PLCB4: variants seen among roughly 807,000 people sequenced by gnomAD.
PLCB4 encodes 1-phosphatidylinositol 4,5-bisphosphate phosphodiesterase beta-4.
PLCB4 carries 77 observed loss-of-function variants against 178.8 expected under a neutral mutation model. The ratio of observed to expected loss-of-function variants is 0.43; its 90% CI spans 0.36 to 0.52. The LOEUF (loss-of-function observed/expected upper bound fraction) is 0.52, where lower values mean the gene tolerates loss of function less well. PLCB4 is among the 20% of genes least tolerant of loss of function. The pLI is 0.00. For missense variants in PLCB4, 1,024 were observed against 1,453.4 expected (o/e 0.70, Z 4.80); for synonymous variants, 496 against 490.8 (o/e 1.01, Z -0.14).
chr20:9,249,444 A>T (rs1296553509), intron 3 of PLCB4, among the ~76,000 whole-genome samples: 2 of 152,152 alleles, frequency 1.3e-5, no homozygotes, highest in African/African-American at 4.8e-5. Flanking sequence ...AGTAGCTGGG[A>T]CATCAGGTGT....
chr20:9,423,398 C>T (rs2148579730), intron 27 of PLCB4, among the ~76,000 whole-genome samples: 1 of 152,268 alleles, frequency 6.6e-6, no homozygotes, highest in South Asian at 2.1e-4. Context: ...TTCCCAGGCC[C>T]CACTCTGTCA....
At chr20:9,226,982 GT>G (rs934870739) in intron 3 of PLCB4, among the ~76,000 whole-genome samples, 1 of 151,324 alleles carries the variant, frequency 6.6e-6, no homozygotes, top group East Asian at 1.9e-4. Context: ...TTTTTTGTTT[GT>G]TTTTTTTAAA....
At chr20:9,171,158 C>T (rs143778231) in intron 2 of PLCB4, among the ~76,000 whole-genome samples, 376 of 152,248 alleles carry the variant, frequency 2.5e-3, no homozygotes, top group Middle Eastern at 6.8e-3. Context: ...GATTTATAAA[C>T]GATGGGTTTA....
chr20:9,109,603 G>A (rs538640878), intron 2 of PLCB4, among the ~76,000 whole-genome samples: 1 of 151,996 alleles, frequency 6.6e-6, no homozygotes, highest in South Asian at 2.1e-4. Flanking sequence ...ATAAAAGCTG[G>A]GCTCATGAAA....
At chr20:9,134,253 T>C (rs2092336940) in intron 2 of PLCB4, among the ~76,000 whole-genome samples, 2 of 152,182 alleles carry the variant, frequency 1.3e-5, no homozygotes, top group African/African-American at 4.8e-5. Flanking sequence ...ACAACTGATA[T>C]AGAAAGTAGA....
chr20:9,178,567 A>G (rs1317062803), intron 2 of PLCB4, among the ~76,000 whole-genome samples: 1 of 151,646 alleles, frequency 6.6e-6, no homozygotes, highest in Non-Finnish European at 1.5e-5. Context: ...TTTTATCAAA[A>G]GATATATTTC....
chr20:9,283,153 C>T (rs1187655098), intron 3 of PLCB4, among the ~76,000 whole-genome samples: 1 of 151,946 alleles, frequency 6.6e-6, no homozygotes, highest in African/African-American at 2.4e-5. Context: ...TATATCCCCC[C>T]AGAAGGGACA....
chr20:9,398,394 T>G (rs573702328), intron 19 of PLCB4, among the ~76,000 whole-genome samples: 1 of 152,258 alleles, frequency 6.6e-6, no homozygotes, highest in Non-Finnish European at 1.5e-5. Context: ...TAAACAAGAT[T>G]TAAGAAAAAT....
intron 4 of PLCB4, among the ~76,000 whole-genome samples, chr20:9,332,850 C>T (rs1045630926): frequency 3.3e-5 from 5 of 152,194 alleles, no homozygotes; most frequent in African/African-American, 1.2e-4. Flanking sequence ...CCAGATTTCT[C>T]ATCCTATTTT....
chr20:9,186,621 G>A (rs1376739566), intron 2 of PLCB4, among the ~76,000 whole-genome samples: 1 of 152,160 alleles, frequency 6.6e-6, no homozygotes, highest in African/African-American at 2.4e-5. Flanking sequence ...TGCCTTCTGG[G>A]TGTGAACAAC....
At chr20:9,406,240 G>A (rs1242332320) in intron 21 of PLCB4, among the ~76,000 whole-genome samples, 10 of 152,168 alleles carry the variant, frequency 6.6e-5, no homozygotes, top group Admixed American at 5.9e-4. Context: ...GAGACTGTGT[G>A]TGCAAGAACT....
chr20:9,078,870 A>C (rs1408119443), intron 1 of PLCB4, among the ~76,000 whole-genome samples: 3 of 152,196 alleles, frequency 2.0e-5, no homozygotes, highest in Admixed American at 6.5e-5. Context: ...TAGATAAATG[A>C]CAGCAAAGTG....
At chr20:9,176,816 A>C (rs768392193) in intron 2 of PLCB4, among the ~76,000 whole-genome samples, 1 of 152,192 alleles carries the variant, frequency 6.6e-6, no homozygotes, top group Non-Finnish European at 1.5e-5. Flanking sequence ...TTTAAGAAAA[A>C]TAATAGAAAC....
chr20:9,188,675 A>T (rs1482555935), intron 2 of PLCB4, among the ~76,000 whole-genome samples: 2 of 142,680 alleles, frequency 1.4e-5, no homozygotes, highest in Admixed American at 1.4e-4. Context: ...ATATAGTGAC[A>T]TTCTGGGTTG....
intron 2 of PLCB4, among the ~76,000 whole-genome samples, chr20:9,183,810 A>G (rs1354009980): frequency 1.3e-5 from 2 of 152,218 alleles, no homozygotes; most frequent in Non-Finnish European, 2.9e-5. Context: ...AGGCTGAACC[A>G]TACGAAATTG....
At chr20:9,380,280 T>C (rs1483747984) in intron 13 of PLCB4, 118 bp downstream of exon 13, 4 of 543,846 alleles carry the variant, frequency 7.4e-6, no homozygotes, top group African/African-American at 5.8e-5. Flanking sequence ...CATGGATTGA[T>C]GACTATTTTT....
At chr20:9,402,380 T>TAGAGTGG (rs1383942089) in intron 20 of PLCB4, among the ~76,000 whole-genome samples, 4 of 152,042 alleles carry the variant, frequency 2.6e-5, no homozygotes, top group Non-Finnish European at 4.4e-5. Context: ...GGGCTGTGAG[T>TAGAGTGG]AGAGTGGCTT....
intron 24 of PLCB4, among the ~76,000 whole-genome samples, chr20:9,410,422 ATTAGG>A (rs2039774996): frequency 6.6e-6 from 1 of 152,222 alleles, no homozygotes; most frequent in South Asian, 2.1e-4. Context: ...ATTCTATAAT[ATTAGG>A]TTTAAACACA....
intron 2 of PLCB4, among the ~76,000 whole-genome samples, chr20:9,192,288 A>G (rs535080702): frequency 6.6e-6 from 1 of 152,148 alleles, no homozygotes; most frequent in African/African-American, 2.4e-5. Context: ...CACCTTGTAT[A>G]GTTTTGTGAT....
Sources: gnomAD v4.1 joint callset for allele counts (sites outside exome capture counted in the v4.1 genomes callset) on GRCh38, gnomAD v4.1.1 for gene constraint, MANE v1.5 for transcripts, NCBI Gene and HGNC (gene_info 2026-07-23, HGNC 2026-07-21) for gene names.